SAMMSON: variants seen among roughly 807,000 people sequenced by gnomAD.
SAMMSON encodes the protein long intergenic non-protein coding RNA 1212.
chr3:70,087,001 G>A (rs1433282741), intron 4 of SAMMSON, among the ~76,000 whole-genome samples: 1 of 152,166 alleles, frequency 6.6e-6, no homozygotes, highest in Admixed American at 6.5e-5. Context: ...GCCCGCGGCT[G>A]TTTGATTGAA....
intron 4 of SAMMSON, among the ~76,000 whole-genome samples, chr3:70,135,273 A>G (rs2067501074): frequency 1.3e-5 from 2 of 152,182 alleles, no homozygotes; most frequent in African/African-American, 4.8e-5. Context: ...GAAAATAGCA[A>G]TCTATATTTT....
intron 9 of SAMMSON, among the ~76,000 whole-genome samples, chr3:70,378,036 G>A (rs907535801): frequency 4.9e-4 from 75 of 151,906 alleles, no homozygotes; most frequent in African/African-American, 1.8e-3. Flanking sequence ...ATGGAAATAT[G>A]TATTTCAAAT....
At chr3:70,205,886 G>T (rs1352470510) in intron 4 of SAMMSON, 2 of 151,892 alleles carry the variant, frequency 1.3e-5, no homozygotes, top group Admixed American at 1.3e-4. Flanking sequence ...TCCTGTAAAG[G>T]TCATTGCAAA....
At chr3:70,044,202 T>A (rs1258376125) in intron 3 of SAMMSON, among the ~76,000 whole-genome samples, 1 of 152,048 alleles carries the variant, frequency 6.6e-6, no homozygotes, top group African/African-American at 2.4e-5. Flanking sequence ...GTGTATTAAG[T>A]TTTTTGTTCT....
chr3:70,309,226 A>G (rs990248740), intron 7 of SAMMSON, among the ~76,000 whole-genome samples: 7 of 152,186 alleles, frequency 4.6e-5, no homozygotes, highest in Admixed American at 1.3e-4. Flanking sequence ...AGAGCCCTGC[A>G]AATTTGAGCA....
At chr3:70,372,871 C>T (rs887115540) in intron 9 of SAMMSON, among the ~76,000 whole-genome samples, 6 of 152,130 alleles carry the variant, frequency 3.9e-5, no homozygotes, top group African/African-American at 1.4e-4. Context: ...TCACAGTCTA[C>T]TGGTGTCATT....
intron 6 of SAMMSON, among the ~76,000 whole-genome samples, chr3:70,261,577 C>T (rs1232272958): frequency 2.0e-5 from 3 of 152,108 alleles, no homozygotes; most frequent in Non-Finnish European, 4.4e-5. Flanking sequence ...CCATGCTCAC[C>T]CTTTTTGGTT....
intron 9 of SAMMSON, among the ~76,000 whole-genome samples, chr3:70,371,719 C>A (rs959453941): frequency 2.0e-5 from 3 of 152,050 alleles, no homozygotes; most frequent in Admixed American, 1.3e-4. Flanking sequence ...TTTATCAAAT[C>A]TAAGAGTTTC....
intron 7 of SAMMSON, among the ~76,000 whole-genome samples, chr3:70,291,456 C>G (rs1559555742): frequency 1.3e-5 from 2 of 152,122 alleles, no homozygotes; most frequent in Non-Finnish European, 2.9e-5. Context: ...CCAGATGGAC[C>G]TAGAATCTTG....
At chr3:70,189,556 G>A (rs567888228) in intron 4 of SAMMSON, among the ~76,000 whole-genome samples, 6 of 152,254 alleles carry the variant, frequency 3.9e-5, no homozygotes, top group Admixed American at 2.6e-4. Flanking sequence ...ACCTAGCAAA[G>A]TCACTCCTTG....
chr3:70,408,842 C>T (rs750599850), intron 2 of SAMMSON, among the ~76,000 whole-genome samples: 18 of 152,190 alleles, frequency 1.2e-4, no homozygotes, highest in East Asian at 9.7e-4. Flanking sequence ...TCTGTTTTCA[C>T]GCTGCTGAAA....
chr3:70,351,419 C>T (rs1007161893), intron 7 of SAMMSON, among the ~76,000 whole-genome samples: 14 of 151,928 alleles, frequency 9.2e-5, no homozygotes, highest in Non-Finnish European at 1.6e-4. Flanking sequence ...AATATGTTTC[C>T]AAAATATGTA....
chr3:70,397,320 T>C (rs1462910117), intron 2 of SAMMSON, among the ~76,000 whole-genome samples: 1 of 152,144 alleles, frequency 6.6e-6, no homozygotes, highest in Non-Finnish European at 1.5e-5. Context: ...TTTTTGTTTT[T>C]TTGGGACGGG....
exon 10 of SAMMSON, chr3:70,389,844 G>A (rs1701030164): frequency 6.6e-6 from 1 of 152,154 alleles, no homozygotes; most frequent in African/African-American, 2.4e-5. Context: ...AGTAATCCGA[G>A]TGGAGCATTT....
intron 9 of SAMMSON, among the ~76,000 whole-genome samples, chr3:70,382,802 AT>A (rs1440918065): frequency 6.6e-6 from 1 of 152,104 alleles, no homozygotes; most frequent in African/African-American, 2.4e-5. Context: ...CAATCTTAAC[AT>A]TTTTCATAAC....
At chr3:70,323,946 C>A (rs1312110615) in intron 7 of SAMMSON, among the ~76,000 whole-genome samples, 1 of 152,068 alleles carries the variant, frequency 6.6e-6, no homozygotes, top group East Asian at 1.9e-4. Flanking sequence ...AGCTCCAGTC[C>A]AAACTCATGG....
At chr3:70,403,778 G>T (rs1274411636) in intron 2 of SAMMSON, among the ~76,000 whole-genome samples, 2 of 152,004 alleles carry the variant, frequency 1.3e-5, no homozygotes, top group Non-Finnish European at 2.9e-5. Context: ...TCTGATCACA[G>T]ATATAGATAT....
intron 9 of SAMMSON, among the ~76,000 whole-genome samples, chr3:70,368,887 A>G (rs1575635106): frequency 6.6e-6 from 1 of 151,758 alleles, no homozygotes; most frequent in African/African-American, 2.4e-5. Context: ...TATTGTCAAT[A>G]TCTACAAAAT....
chr3:70,254,746 GAGATATTCTATCACCTCTCCAT>G (rs1387270658), intron 6 of SAMMSON, among the ~76,000 whole-genome samples: 7 of 152,166 alleles, frequency 4.6e-5, no homozygotes, highest in Non-Finnish European at 1.5e-5. Context: ...CTACTCAATA[GAGATATTCTATCACCTCTCCAT>G]AGTAACTAAA....
Sources: gnomAD v4.1 joint callset for allele counts (sites outside exome capture counted in the v4.1 genomes callset) on GRCh38, gnomAD v4.1.1 for gene constraint, MANE v1.5 for transcripts, NCBI Gene and HGNC (gene_info 2026-07-23, HGNC 2026-07-21) for gene names.